TTC17: variants seen among roughly 807,000 people sequenced by gnomAD.
TTC17 encodes tetratricopeptide repeat protein 17.
A neutral mutation model predicts 143.8 loss-of-function variants in TTC17; 58 were observed. The ratio of observed to expected loss-of-function variants is 0.40; its 90% confidence interval spans 0.33 to 0.50. TTC17 has a LOEUF of 0.50. Ranked by LOEUF, TTC17 falls within the 20% of genes least tolerant of loss-of-function variation. TTC17 has a pLI of 0.49. For synonymous variants in TTC17, 501 were observed against 497.8 expected, an observed-to-expected ratio of 1.01 and a Z score of -0.09; for missense variants, 1,273 against 1,392.5, an observed-to-expected ratio of 0.91 and a Z score of 1.37.
chr11:43,403,343 C>G (rs897335979), intron 10 of TTC17, among the ~76,000 whole-genome samples: 4 of 152,170 alleles, frequency 2.6e-5, no homozygotes, highest in African/African-American at 9.7e-5. Context: ...CATATTCATT[C>G]CTTTTCCTTT....
chr11:43,396,151 G>GT (rs1857583294), intron 5 of TTC17: 1 of 151,006 alleles, frequency 6.6e-6, no homozygotes, highest in Non-Finnish European at 1.5e-5. Context: ...AGGAAAACTT[G>GT]TATCTTTTAA....
intron 21 of TTC17, among the ~76,000 whole-genome samples, chr11:43,458,747 G>A (rs1410081300): frequency 6.6e-6 from 1 of 152,132 alleles, no homozygotes. Context: ...ACAGTTTTCA[G>A]TTACCCACAG....
intron 16 of TTC17, among the ~76,000 whole-genome samples, chr11:43,442,189 A>T (rs1947438528): frequency 6.6e-6 from 1 of 152,244 alleles, no homozygotes; most frequent in African/African-American, 2.4e-5. Context: ...GAAAAGGTAC[A>T]GGGGAAATAC....
At chr11:43,386,734 CT>C (rs1857183774) in intron 2 of TTC17, among the ~76,000 whole-genome samples, 2 of 152,114 alleles carry the variant, frequency 1.3e-5, no homozygotes, top group Admixed American at 1.3e-4. Flanking sequence ...TATAGAATTA[CT>C]TTTTCCATAA....
At chr11:43,359,535 C>T (rs1346051391) in intron 1 of TTC17, among the ~76,000 whole-genome samples, 2 of 152,228 alleles carry the variant, frequency 1.3e-5, no homozygotes, top group African/African-American at 4.8e-5. Flanking sequence ...GCGCGAGTCC[C>T]ATGGTATGAC....
At chr11:43,450,016 G>A (rs1947626593) in intron 19 of TTC17, 66 bp from the exon 20 acceptor site, 2 of 1,531,784 alleles carry the variant, frequency 1.3e-6, no homozygotes, top group Admixed American at 3.6e-5. Context: ...TGTTAATGCT[G>A]TCTCTCTTCT....
At chr11:43,371,029 G>C (rs1042892610) in intron 1 of TTC17, among the ~76,000 whole-genome samples, 1 of 151,574 alleles carries the variant, frequency 6.6e-6, no homozygotes, top group East Asian at 1.9e-4. Flanking sequence ...GAGGTGGGGG[G>C]GGGGGTCTTG....
At chr11:43,376,596 T>C (rs571155869) in intron 1 of TTC17, among the ~76,000 whole-genome samples, 1 of 152,312 alleles carries the variant, frequency 6.6e-6, no homozygotes, top group East Asian at 1.9e-4. Flanking sequence ...TGTCTCCTTT[T>C]TGCTTCTGGA....
chr11:43,428,493 T>A (rs960159908), intron 16 of TTC17, among the ~76,000 whole-genome samples: 6 of 152,364 alleles, frequency 3.9e-5, no homozygotes, highest in Non-Finnish European at 1.5e-5. Context: ...TAACACAGCC[T>A]ACATGTCATG....
At position 43,490,119 on chromosome 11, in the gene TTC17, G is replaced by T. The variant is rs1948448077; in HGVS notation, c.3031-120G>T. 6 of 1,366,230 alleles carry T rather than the reference G, an allele frequency of 4.4e-6. No homozygotes were observed. In the East Asian group the frequency reaches 1.5e-4, roughly 33 times the overall value. 84.6% of individuals were successfully genotyped at this position (1,366,230 alleles called of 1,614,324 possible). A position where few individuals can be genotyped will look rare whatever the true frequency, so the allele number is the denominator to read the frequency against. ...GGTGGAACAGAAAGTGCTGAGCAGA[G>T]TGCCAGCACTTAGTAAATACTCAGT... On this transcript the variant is annotated intron_variant, in intron 21 of 23. Coordinates refer to ENST00000039989, the MANE Select transcript of TTC17 (RefSeq NM_018259.6).
chr11:43,435,899 G>A (rs1026705641), intron 16 of TTC17, among the ~76,000 whole-genome samples: 1 of 152,112 alleles, frequency 6.6e-6, no homozygotes, highest in Non-Finnish European at 1.5e-5. Context: ...AAGGTCTTGG[G>A]GCTTGATCTT....
intron 16 of TTC17, among the ~76,000 whole-genome samples, chr11:43,423,753 T>A (rs1946961470): frequency 1.3e-5 from 2 of 152,200 alleles, no homozygotes; most frequent in Admixed American, 1.3e-4. Context: ...AAAAACATTA[T>A]GTTAAGTAAT....
intron 21 of TTC17, among the ~76,000 whole-genome samples, chr11:43,453,759 G>T (rs1195255820): frequency 1.3e-5 from 2 of 152,158 alleles, no homozygotes; most frequent in Non-Finnish European, 2.9e-5. Flanking sequence ...AGCTTACCAT[G>T]GGGTTACATC....
At chr11:43,446,275 A>C in intron 18 of TTC17, 2 of 829,632 alleles carry the variant, frequency 2.4e-6, no homozygotes, top group Non-Finnish European at 3.1e-6. Context: ...CTTCAAAATC[A>C]AGTGCCATCT....
chr11:43,430,704 T>TACACACACAC (rs1218079268), intron 16 of TTC17, among the ~76,000 whole-genome samples: 5 of 50,338 alleles, frequency 9.9e-5, no homozygotes, highest in Non-Finnish European at 1.7e-4. Flanking sequence ...ATCCCCTACA[T>TACACACACAC]ACACGCACAC....
intron 16 of TTC17, among the ~76,000 whole-genome samples, chr11:43,425,471 T>C (rs1947005420): frequency 1.3e-5 from 2 of 152,190 alleles, no homozygotes; most frequent in South Asian, 4.1e-4. Flanking sequence ...GTTCCTAGTT[T>C]TAGACTATTT....
At chr11:43,475,707 A>G (rs774393299) in intron 21 of TTC17, among the ~76,000 whole-genome samples, 111 of 152,194 alleles carry the variant, frequency 7.3e-4, no homozygotes, top group Non-Finnish European at 1.3e-3. Context: ...AAATGTTCCA[A>G]TGAGCATTTC....
At chr11:43,387,952 T>C (rs1857229181) in intron 2 of TTC17, among the ~76,000 whole-genome samples, 1 of 152,226 alleles carries the variant, frequency 6.6e-6, no homozygotes, top group East Asian at 1.9e-4. Context: ...AACCAAACAT[T>C]GCTAAGATTC....
At chr11:43,467,447 A>T (rs769083211) in intron 21 of TTC17, among the ~76,000 whole-genome samples, 2 of 152,258 alleles carry the variant, frequency 1.3e-5, no homozygotes, top group African/African-American at 4.8e-5. Context: ...GATTCCACTT[A>T]TGTGAGGTAT....
Sources: gnomAD v4.1 joint callset for allele counts (sites outside exome capture counted in the v4.1 genomes callset) on GRCh38, gnomAD v4.1.1 for gene constraint, MANE v1.5 for transcripts, NCBI Gene and HGNC (gene_info 2026-07-23, HGNC 2026-07-21) for gene names.